DGKZ: variants seen among roughly 807,000 people sequenced by gnomAD.
The protein encoded by DGKZ is diacylglycerol kinase zeta.
In DGKZ, 45 loss-of-function variants were observed where a neutral mutation model predicts 142.5. The observed-to-expected ratio is 0.32, with a 90% CI of 0.25 to 0.40. DGKZ has a LOEUF of 0.40. Ranked by LOEUF, DGKZ falls within the 10% of genes least tolerant of loss-of-function variation. DGKZ has a pLI of 1.00. For missense variants in DGKZ, 755 were observed against 1,306.5 expected, an observed-to-expected ratio of 0.58 and a Z score of 6.51; for synonymous variants, 442 against 527.0, an observed-to-expected ratio of 0.84 and a Z score of 2.21.
intron 25 of DGKZ, 99 bp downstream of exon 25, chr11:46,377,311 C>G: frequency 1.4e-6 from 2 of 1,455,224 alleles, no homozygotes; most frequent in Non-Finnish European, 1.8e-6. Flanking sequence ...CACCAGTTAA[C>G]TAAATGGTGT....
intron 1 of DGKZ, among the ~76,000 whole-genome samples, chr11:46,350,945 G>A (rs749649046): frequency 2.0e-5 from 3 of 151,238 alleles, no homozygotes; most frequent in African/African-American, 4.9e-5. Flanking sequence ...ACTTCTTGCC[G>A]GAACTATCAG....
rs1944501261 is a variant in DGKZ, at chr11:46,376,155, G to C, written c.2091+10G>C. On this transcript the variant is annotated intron_variant, in intron 22 of 30. Coordinates refer to ENST00000527911, the Ensembl canonical transcript of DGKZ. Reference sequence around the variant, plus strand: ...TGAGAGACTCCAGCAGGTAAGGGGTGGGGGCTTCCCCAGGTGCCCACCGAG... The same window carrying C: ...TGAGAGACTCCAGCAGGTAAGGGGTCGGGGCTTCCCCAGGTGCCCACCGAG... The C allele has an allele frequency of 6.2e-7, 1 of 1,609,120 alleles. No individual in the cohort carries two copies. The highest frequency in any genetic ancestry group is 8.5e-7 in the Non-Finnish European group (1 of 1,179,322).
chr11:46,378,370 T>C (rs2136517655), intron 26 of DGKZ, 87 bp from the exon 27 acceptor site: 2 of 1,546,676 alleles, frequency 1.3e-6, no homozygotes, highest in Non-Finnish European at 8.7e-7. Context: ...TGGGCACACA[T>C]GCCTGGCCGG....
intron 1 of DGKZ, among the ~76,000 whole-genome samples, chr11:46,362,551 ACTCT>A (rs201947488): frequency 2.0e-5 from 3 of 151,914 alleles, no homozygotes; most frequent in East Asian, 1.9e-4. Flanking sequence ...ATCACCAGGC[ACTCT>A]CTCTCTGTCA....
At chr11:46,338,733 C>T (rs1940136755) in intron 1 of DGKZ, 1 of 152,054 alleles carries the variant, frequency 6.6e-6, no homozygotes, top group African/African-American at 2.4e-5. Flanking sequence ...GAGACCTGGG[C>T]TCCAATTCCA....
intron 24 of DGKZ, 91 bp from the exon 25 acceptor site, chr11:46,376,982 T>C (rs1170818739): frequency 2.5e-6 from 3 of 1,192,422 alleles, no homozygotes; most frequent in Non-Finnish European, 3.7e-6. Context: ...TTTGTGCTCA[T>C]GGCAGAGGCT....
chr11:46,373,014 C>T (rs1565068296), exon 14 of DGKZ: 26 of 1,539,484 alleles, frequency 1.7e-5, no homozygotes, highest in East Asian at 7.4e-5. Context: ...AGGAGGGGAA[C>T]GTGGTACAGC....
intron 1 of DGKZ, among the ~76,000 whole-genome samples, chr11:46,361,029 C>T (rs932871889): frequency 6.6e-6 from 1 of 152,170 alleles, no homozygotes; most frequent in Non-Finnish European, 1.5e-5. Context: ...CCACAAGCCT[C>T]GAGTTGCCCC....
upstream of DGKZ, chr11:46,347,306 G>GCC: frequency 1.0e-6 from 1 of 984,980 alleles, no homozygotes; most frequent in Non-Finnish European, 1.2e-6. This position sits in a 1 kb window ranked among gnomAD's most constrained non-coding sequence, Gnocchi z 6.4. Flanking sequence ...CCCATTCGTC[G>GCC]CCCCGCCCCT....
chr11:46,340,003 CAG>C (rs1219007095), intron 1 of DGKZ, among the ~76,000 whole-genome samples: 1 of 152,226 alleles, frequency 6.6e-6, no homozygotes, highest in East Asian at 1.9e-4. Context: ...AAAGGCTAAT[CAG>C]AGATTGCAGA....
At chr11:46,352,580 G>A (rs1941541562) in intron 1 of DGKZ, among the ~76,000 whole-genome samples, 1 of 152,242 alleles carries the variant, frequency 6.6e-6, no homozygotes, top group African/African-American at 2.4e-5. Context: ...CCCGCGCTGG[G>A]CTTCCAGGGC....
chr11:46,377,009 C>A, intron 24 of DGKZ, 64 bp from the exon 25 acceptor site: 1 of 1,455,656 alleles, frequency 6.9e-7, no homozygotes, highest in Non-Finnish European at 9.6e-7. Context: ...GGTCTACCAG[C>A]CTTGCTGCCC....
At chr11:46,364,417 GCT>G (rs1943031665) in intron 1 of DGKZ, 1 of 1,288,220 alleles carries the variant, frequency 7.8e-7, no homozygotes, top group African/African-American at 1.5e-5. Context: ...GAGACCCAGC[GCT>G]CTCCACCCAT....
At chr11:46,350,524 A>C in intron 1 of DGKZ, among the ~76,000 whole-genome samples, 2 of 143,078 alleles carry the variant, frequency 1.4e-5, no homozygotes, top group African/African-American at 2.6e-5. Context: ...CCACATACAC[A>C]CATCCAGCCT....
intron 4 of DGKZ, chr11:46,369,250 C>T: frequency 1.7e-6 from 1 of 581,916 alleles, no homozygotes; most frequent in Non-Finnish European, 3.1e-6. Flanking sequence ...CCCAAAGCTC[C>T]CAACCTCCCC....
At chr11:46,376,676 C>A in intron 24 of DGKZ, 112 bp downstream of exon 24, 1 of 1,387,604 alleles carries the variant, frequency 7.2e-7, no homozygotes, top group Non-Finnish European at 1.0e-6. Flanking sequence ...TGTCCTCATG[C>A]CTCTGAGAGC....
chr11:46,350,393 G>A (rs1051575914), intron 1 of DGKZ, among the ~76,000 whole-genome samples: 1 of 151,884 alleles, frequency 6.6e-6, no homozygotes, highest in African/African-American at 2.4e-5. Context: ...AAAAGTCCTC[G>A]AAGCCCCAGC....
intron 1 of DGKZ, chr11:46,338,761 T>C (rs1408694501): frequency 6.6e-6 from 1 of 152,122 alleles, no homozygotes; most frequent in African/African-American, 2.4e-5. Flanking sequence ...CCCTTCCTAG[T>C]TGGGTAAGAG....
exon 21 of DGKZ, chr11:46,375,942 A>G: frequency 6.2e-7 from 1 of 1,606,412 alleles, no homozygotes; most frequent in Non-Finnish European, 8.5e-7. Flanking sequence ...GGAGCAGCTC[A>G]AGGAGGCCTG....
Sources: gnomAD v4.1 joint callset for allele counts (sites outside exome capture counted in the v4.1 genomes callset) on GRCh38, gnomAD v4.1.1 for gene constraint, Gnocchi (gnomAD v3.1) non-coding constraint, MANE v1.5 for transcripts, NCBI Gene and HGNC (gene_info 2026-07-23, HGNC 2026-07-21) for gene names.